The following EXT1 variants were observed in gnomAD, a reference collection of about 807,000 sequenced individuals.
The protein encoded by EXT1 is exostosin-1.
EXT1 carries 20 observed loss-of-function variants against 82.5 expected under a neutral mutation model. The ratio of observed to expected loss-of-function variants is 0.24; its 90% confidence interval spans 0.17 to 0.35. The LOEUF (loss-of-function observed/expected upper bound fraction) is 0.35, where lower values mean the gene tolerates loss of function less well. EXT1 is among the 10% of genes least tolerant of loss of function. The pLI, the probability that EXT1 is intolerant of heterozygous loss-of-function variation, is 1.00. For missense variants in EXT1, 757 were observed against 936.5 expected, an observed-to-expected ratio of 0.81 and a Z score of 2.50; for synonymous variants, 348 against 350.8, an observed-to-expected ratio of 0.99 and a Z score of 0.09.
rs186238200 is a variant in EXT1 at position 117,968,817 on chromosome 8, C to A, written c.963-131616G>T. ...ATCTCCTGACCTTGTGATCCGCCCG[C>A]CTCGGCCTCCCAAAGTGCTGGGATT... On this transcript the variant is annotated intron_variant, in intron 1 of 10. Transcript: ENST00000378204. Among the ~76,000 whole-genome samples the A allele has an allele frequency of 4.0e-3, 261 of 64,656 alleles. 51 individuals carry two copies. Among genetic ancestry groups the A allele is most frequent in the East Asian group, 0.029 (91 of 3,122 alleles). 42.4% of individuals were successfully genotyped at this position (64,656 alleles called of 152,430 possible). A position where few individuals can be genotyped will look rare whatever the true frequency, so the allele number is the denominator to read the frequency against.
intron 1 of EXT1, among the ~76,000 whole-genome samples, chr8:117,950,215 TG>T (rs1385881707): frequency 6.6e-6 from 1 of 152,168 alleles, no homozygotes; most frequent in Non-Finnish European, 1.5e-5. Context: ...GACTATAGCT[TG>T]GGTGACAGAG....
At chr8:118,057,549 TAAAAAAAAAGAA>T (rs1816812372) in intron 1 of EXT1, among the ~76,000 whole-genome samples, 1 of 147,418 alleles carries the variant, frequency 6.8e-6, no homozygotes, top group Non-Finnish European at 1.5e-5. Flanking sequence ...CATCTTAATT[TAAAAAAAAAGAA>T]AAAGAAAAAG....
intron 1 of EXT1, among the ~76,000 whole-genome samples, chr8:118,067,074 T>C (rs1005895855): frequency 1.3e-5 from 2 of 152,232 alleles, no homozygotes; most frequent in African/African-American, 4.8e-5. Context: ...TGCACACTGT[T>C]GAACAATCCC....
chr8:118,049,903 A>C (rs1462695844), intron 1 of EXT1, among the ~76,000 whole-genome samples: 1 of 152,048 alleles, frequency 6.6e-6, no homozygotes, highest in Non-Finnish European at 1.5e-5. Context: ...ACAGGGCTCA[A>C]AATGTCACCT....
intron 1 of EXT1, among the ~76,000 whole-genome samples, chr8:117,981,202 G>C (rs1185346183): frequency 6.6e-6 from 1 of 152,092 alleles, no homozygotes; most frequent in Non-Finnish European, 1.5e-5. Flanking sequence ...AGCATGGGGG[G>C]TTTTAAATGC....
intron 1 of EXT1, among the ~76,000 whole-genome samples, chr8:118,032,802 G>A (rs146602313): frequency 0.01 from 1,537 of 152,150 alleles, 20 homozygotes; most frequent in Non-Finnish European, 0.014. Context: ...GAGCCACTGC[G>A]CCTGGCCAAC....
Position 117,818,453 on chromosome 8 carries a change from G to A in EXT1, c.1614C>T (p.Val538=), listed in dbSNP as rs1471093214. 6.2e-7 allele frequency: 1 copy of A among 1,614,116 alleles called. No individual in the cohort carries two copies. The highest frequency in any genetic ancestry group is 1.1e-5 in the South Asian group (1 of 91,066). ...GTCTTACCTTGCTCTCTCCTTCAAT[G>A]ACGACGACAGGCACAGCAGTGGCAG... is the stretch of plus-strand genomic sequence containing the variant. ...RWPATAVPVV[V]IEGESKVMSS... The change falls in exon 7 of 11, where the codon GTC becomes GTT. Residue 538 remains valine, a synonymous_variant. Transcript: ENST00000378204.
chr8:117,901,598 T>A (rs1455170648), intron 1 of EXT1, among the ~76,000 whole-genome samples: 3 of 152,238 alleles, frequency 2.0e-5, no homozygotes, highest in Non-Finnish European at 4.4e-5. Context: ...GTAAGTTTTT[T>A]ACCTTAGAAA....
chr8:117,907,055 C>T (rs935561920), intron 1 of EXT1, among the ~76,000 whole-genome samples: 11 of 152,138 alleles, frequency 7.2e-5, no homozygotes, highest in Non-Finnish European at 1.5e-4. Context: ...CATTCACTTA[C>T]ATACAGCCCT....
intron 1 of EXT1, among the ~76,000 whole-genome samples, chr8:117,922,077 T>G (rs1252675353): frequency 7.2e-5 from 11 of 152,132 alleles, no homozygotes; most frequent in Admixed American, 7.2e-4. Context: ...GATTTGCTGC[T>G]GCAGGAGATA....
At chr8:118,017,915 T>A (rs113904002) in intron 1 of EXT1, among the ~76,000 whole-genome samples, 51 of 152,300 alleles carry the variant, frequency 3.3e-4, no homozygotes, top group South Asian at 1.5e-3. Flanking sequence ...AGGAATGAGC[T>A]CTTGCACAGA....
intron 8 of EXT1, among the ~76,000 whole-genome samples, chr8:117,809,764 T>C (rs942154886): frequency 2.0e-5 from 3 of 152,028 alleles, no homozygotes; most frequent in African/African-American, 4.8e-5. Context: ...TGCTAGAAAA[T>C]TGAAATTAGG....
At chr8:118,090,680 G>A (rs1817506360) in intron 1 of EXT1, among the ~76,000 whole-genome samples, 1 of 145,304 alleles carries the variant, frequency 6.9e-6, no homozygotes, top group Admixed American at 7.2e-5. Flanking sequence ...TCGGGAAGCT[G>A]ATGCAGGAGA....
intron 1 of EXT1, among the ~76,000 whole-genome samples, chr8:117,958,445 CT>C (rs1814632480): frequency 6.6e-6 from 1 of 152,200 alleles, no homozygotes; most frequent in Non-Finnish European, 1.5e-5. Flanking sequence ...TGTGTCACTT[CT>C]CCCCTCCAAC....
intron 1 of EXT1, among the ~76,000 whole-genome samples, chr8:118,013,369 CAACT>C (rs1299849960): frequency 6.6e-6 from 1 of 152,116 alleles, no homozygotes; most frequent in Non-Finnish European, 1.5e-5. Context: ...TCACTGCGCC[CAACT>C]AATTTTTGTA....
At chr8:117,825,702 C>T (rs982479444) in intron 4 of EXT1, among the ~76,000 whole-genome samples, 1 of 152,162 alleles carries the variant, frequency 6.6e-6, no homozygotes, top group Admixed American at 6.5e-5. Context: ...GCCTAAGATA[C>T]ACGATGCCAC....
chr8:118,024,532 A>G (rs80271137), intron 1 of EXT1, among the ~76,000 whole-genome samples: 1 of 60,024 alleles, frequency 1.7e-5, no homozygotes, highest in Non-Finnish European at 2.9e-5. Flanking sequence ...AAAAAAAAGA[A>G]AAAAAAAAAC....
At chr8:117,867,260 G>GGA (rs774425294) in intron 1 of EXT1, among the ~76,000 whole-genome samples, 2 of 98,912 alleles carry the variant, frequency 2.0e-5, no homozygotes, top group Admixed American at 2.2e-4. Flanking sequence ...CTCCACCTCA[G>GGA]AAAAAAAAAA....
chr8:118,006,294 T>C (rs1815773710), intron 1 of EXT1, among the ~76,000 whole-genome samples: 1 of 152,170 alleles, frequency 6.6e-6, no homozygotes, highest in Admixed American at 6.5e-5. Context: ...CCTGCTTCTG[T>C]TTGGAGTCAA....
Sources: gnomAD v4.1 joint callset for allele counts (sites outside exome capture counted in the v4.1 genomes callset) on GRCh38, gnomAD v4.1.1 for gene constraint, MANE v1.5 for transcripts, NCBI Gene and HGNC (gene_info 2026-07-23, HGNC 2026-07-21) for gene names.